The following NTM variants were observed in gnomAD, a reference collection of about 807,000 sequenced individuals.
The protein encoded by NTM is neurotrimin, also known as IgLON family member 2.
Under a neutral mutation model 42.1 loss-of-function variants are expected in NTM, and 13 were observed. The observed-to-expected ratio is 0.31, with a 90% CI of 0.20 to 0.49. NTM has a LOEUF of 0.49. Ranked by LOEUF, NTM falls within the 20% of genes least tolerant of loss-of-function variation. The pLI, the probability that NTM is intolerant of heterozygous loss-of-function variation, is 0.99. For synonymous variants in NTM, 187 were observed against 179.2 expected (o/e 1.04, Z -0.35); for missense variants, 373 against 452.8 (o/e 0.82, Z 1.60).
At chr11:131,584,028 GT>G (rs1429614862) in intron 1 of NTM, among the ~76,000 whole-genome samples, 3 of 152,172 alleles carry the variant, frequency 2.0e-5, no homozygotes, top group Non-Finnish European at 4.4e-5. Flanking sequence ...TACAAGTGAT[GT>G]TTTATGAATG....
At chr11:131,681,685 G>A (rs866719513) in intron 1 of NTM, among the ~76,000 whole-genome samples, 310 of 68,168 alleles carry the variant, frequency 4.5e-3, no homozygotes, top group African/African-American at 0.012. Context: ...GTGTGAGCGT[G>A]TGTGTTTCTG....
chr11:132,044,448 G>A (rs2077697058), intron 2 of NTM, among the ~76,000 whole-genome samples: 1 of 152,128 alleles, frequency 6.6e-6, no homozygotes, highest in Non-Finnish European at 1.5e-5. Context: ...AAAATAAATT[G>A]TAGAATTCAG....
chr11:131,913,756 A>G (rs929959508), intron 2 of NTM, among the ~76,000 whole-genome samples: 1 of 152,002 alleles, frequency 6.6e-6, no homozygotes, highest in Non-Finnish European at 1.5e-5. Context: ...ATTGACCCCA[A>G]CCCAGCCAAG....
intron 3 of NTM, among the ~76,000 whole-genome samples, chr11:132,180,118 G>C (rs1182438049): frequency 6.6e-6 from 1 of 152,160 alleles, no homozygotes. Flanking sequence ...ATTGTCTATG[G>C]AGAGAAAGTG....
At chr11:131,406,381 T>C (rs1369659692) in intron 1 of NTM, among the ~76,000 whole-genome samples, 1 of 152,200 alleles carries the variant, frequency 6.6e-6, no homozygotes, top group Non-Finnish European at 1.5e-5. Context: ...ATTAAAATCC[T>C]TATCTCTCTG....
chr11:132,145,451 G>C (rs150101726), intron 2 of NTM, among the ~76,000 whole-genome samples: 1 of 152,214 alleles, frequency 6.6e-6, no homozygotes, highest in Admixed American at 6.5e-5. Context: ...TGTAGTAAGA[G>C]AGGGAAATGA....
intron 4 of NTM, among the ~76,000 whole-genome samples, chr11:132,237,862 C>T (rs1324734118): frequency 6.6e-6 from 1 of 152,196 alleles, no homozygotes; most frequent in Non-Finnish European, 1.5e-5. Flanking sequence ...TTTCAATAGG[C>T]TTGAATTCTG....
Position 132,336,566 on chromosome 11 carries a change from T to C in NTM, c.*1420T>C, listed in dbSNP as rs1301080690. 1 of 152,702 alleles carries C rather than the reference T, an allele frequency of 6.5e-6. No individual in the cohort carries two copies. Among genetic ancestry groups the C allele is most frequent in the Non-Finnish European group, 1.5e-5 (1 of 68,056 alleles). The allele number at this position is 152,702 out of a possible 1,614,324, so 9.5% of individuals were successfully genotyped here. A position where few individuals can be genotyped will look rare whatever the true frequency, so the allele number is the denominator to read the frequency against. On this transcript the variant is annotated 3_prime_UTR_variant, in exon 9 of 9. Transcript: ENST00000683400. The stretch of plus-strand genomic sequence containing the variant: ...TGCTTTAGCCCATTATGGGAATCTC[T>C]GATGCCTTTGTGACCACTGGAGAGT...
At chr11:132,076,000 A>T (rs2058314618) in intron 2 of NTM, among the ~76,000 whole-genome samples, 1 of 152,060 alleles carries the variant, frequency 6.6e-6, no homozygotes, top group East Asian at 1.9e-4. Context: ...TTCATCATTT[A>T]TTTTTTTTAA....
chr11:131,630,526 G>A (rs576488166), intron 1 of NTM, among the ~76,000 whole-genome samples: 9 of 152,148 alleles, frequency 5.9e-5, no homozygotes, highest in South Asian at 4.2e-4. Context: ...ACTGGTGATC[G>A]GTCCCACAAA....
chr11:131,894,664 G>A (rs1005802066), intron 1 of NTM, among the ~76,000 whole-genome samples: 1 of 152,040 alleles, frequency 6.6e-6, no homozygotes, highest in Non-Finnish European at 1.5e-5. Flanking sequence ...GCTGTCCATC[G>A]CCTCACCTCC....
At chr11:132,296,258 G>GCTGCCC (rs1193636889) in intron 4 of NTM, among the ~76,000 whole-genome samples, 1 of 152,148 alleles carries the variant, frequency 6.6e-6, no homozygotes, top group East Asian at 1.9e-4. Flanking sequence ...TGGAGATCAT[G>GCTGCCC]AGCACAGCTG....
chr11:132,217,336 C>T (rs947499772), intron 4 of NTM, among the ~76,000 whole-genome samples: 1 of 125,212 alleles, frequency 8.0e-6, no homozygotes, highest in Non-Finnish European at 1.8e-5. Flanking sequence ...TCTTGTGCCT[C>T]TTTCTCTCTC....
At chr11:131,822,584 C>T (rs899062209) in intron 1 of NTM, among the ~76,000 whole-genome samples, 7 of 152,124 alleles carry the variant, frequency 4.6e-5, no homozygotes, top group Non-Finnish European at 7.3e-5. Context: ...CAGCTGCTTT[C>T]AGTGTCTTGA....
At chr11:132,192,522 C>T (rs938769970) in intron 3 of NTM, among the ~76,000 whole-genome samples, 1 of 152,120 alleles carries the variant, frequency 6.6e-6, no homozygotes, top group Non-Finnish European at 1.5e-5. Flanking sequence ...GAGTGGCAAA[C>T]ATGGAAAAGA....
intron 1 of NTM, among the ~76,000 whole-genome samples, chr11:131,891,992 T>A (rs1381991114): frequency 1.3e-5 from 2 of 152,108 alleles, no homozygotes; most frequent in East Asian, 3.9e-4. Flanking sequence ...GGAGAGAGGG[T>A]AGCTTCTTGT....
intron 4 of NTM, among the ~76,000 whole-genome samples, chr11:132,281,993 T>G (rs916662355): frequency 6.6e-6 from 1 of 152,254 alleles, no homozygotes; most frequent in Admixed American, 6.5e-5. Flanking sequence ...TTATGTTTCA[T>G]TGCCAAAAGC....
At chr11:131,958,655 A>T (rs1196937045) in intron 2 of NTM, among the ~76,000 whole-genome samples, 1 of 152,152 alleles carries the variant, frequency 6.6e-6, no homozygotes, top group Non-Finnish European at 1.5e-5. Flanking sequence ...GTGTATGTTG[A>T]TGAGTGCAGC....
chr11:132,160,898 G>A (rs73036045), intron 3 of NTM, among the ~76,000 whole-genome samples: 524 of 152,320 alleles, frequency 3.4e-3, no homozygotes, highest in Non-Finnish European at 6.0e-3. Context: ...GGTGAGAGGA[G>A]AGACCCGAGA....
Sources: allele counts gnomAD v4.1 joint callset (sites outside exome capture counted in the v4.1 genomes callset), GRCh38; gene constraint gnomAD v4.1.1; transcripts MANE v1.5; gene names NCBI Gene and HGNC (gene_info 2026-07-23, HGNC 2026-07-21).